Variants in SKAP1 observed in about 807,000 individuals in gnomAD.
SKAP1 encodes the protein src kinase-associated phosphoprotein 1.
Under a neutral mutation model 58.5 loss-of-function variants are expected in SKAP1, and 44 were observed. The ratio of observed to expected loss-of-function variants is 0.75; its 90% CI spans 0.59 to 0.97. The LOEUF (loss-of-function observed/expected upper bound fraction) is 0.97. SKAP1 is among the 50% of genes least tolerant of loss of function. The probability of loss-of-function intolerance (pLI) is 0.00; values close to 1 mark genes in which losing one functional copy is unlikely to be tolerated. For missense variants in SKAP1, 390 were observed against 435.2 expected, an observed-to-expected ratio of 0.90 and a Z score of 0.92; for synonymous variants, 127 against 149.7, an observed-to-expected ratio of 0.85 and a Z score of 1.11.
At chr17:48,311,104 G>C (rs2066218841) in intron 4 of SKAP1, among the ~76,000 whole-genome samples, 1 of 152,052 alleles carries the variant, frequency 6.6e-6, no homozygotes, top group Non-Finnish European at 1.5e-5. Context: ...GTGAAACTCC[G>C]TTCACATTTG....
intron 9 of SKAP1, among the ~76,000 whole-genome samples, chr17:48,178,336 G>A (rs558328588): frequency 1.3e-5 from 2 of 152,206 alleles, no homozygotes; most frequent in Admixed American, 6.5e-5. Context: ...TTTTCCCAGA[G>A]CATTCTTCCA....
upstream of SKAP1, among the ~76,000 whole-genome samples, chr17:48,434,172 G>C (rs1333639636): frequency 6.6e-6 from 1 of 152,164 alleles, no homozygotes; most frequent in Non-Finnish European, 1.5e-5. Context: ...CATCAACCGG[G>C]TTTATTGACT....
At chr17:48,169,501 A>G (rs2064182147) in intron 10 of SKAP1, among the ~76,000 whole-genome samples, 3 of 152,222 alleles carry the variant, frequency 2.0e-5, no homozygotes, top group Admixed American at 2.0e-4. Flanking sequence ...TGTGTTCACT[A>G]TCATGAGGTA....
intron 11 of SKAP1, among the ~76,000 whole-genome samples, chr17:48,158,581 AAAAG>A (rs1268933241): frequency 7.4e-5 from 11 of 148,692 alleles, no homozygotes; most frequent in Non-Finnish European, 1.5e-5. Context: ...AAAAAAAAAA[AAAAG>A]AAAAAAGAAA....
chr17:48,207,376 C>T (rs2064822218), intron 4 of SKAP1, among the ~76,000 whole-genome samples: 1 of 151,606 alleles, frequency 6.6e-6, no homozygotes, highest in South Asian at 2.1e-4. Flanking sequence ...ATCCCAGCTA[C>T]TCAGGAGGCT....
intron 4 of SKAP1, among the ~76,000 whole-genome samples, chr17:48,262,795 G>C (rs1470693863): frequency 1.3e-5 from 2 of 152,132 alleles, no homozygotes; most frequent in Non-Finnish European, 2.9e-5. Context: ...ATGCTTTCCT[G>C]TCCCTCCTCC....
intron 1 of SKAP1, among the ~76,000 whole-genome samples, chr17:48,402,558 A>G (rs550656889): frequency 2.1e-4 from 32 of 152,250 alleles, no homozygotes; most frequent in Non-Finnish European, 3.8e-4. Context: ...TTGAACTCCT[A>G]GACTCAAGCA....
chr17:48,150,558 TA>T (rs1188292619), intron 11 of SKAP1, among the ~76,000 whole-genome samples: 5 of 152,216 alleles, frequency 3.3e-5, no homozygotes, highest in Non-Finnish European at 7.3e-5. Context: ...ATGTTTCGAT[TA>T]TCTTTCCCAG....
At chr17:48,304,683 A>G (rs2066111320) in intron 4 of SKAP1, among the ~76,000 whole-genome samples, 1 of 152,234 alleles carries the variant, frequency 6.6e-6, no homozygotes, top group South Asian at 2.1e-4. Context: ...TTTCTGAGAT[A>G]CTTTAGATGT....
chr17:48,312,082 C>G (rs1811555002), intron 4 of SKAP1, among the ~76,000 whole-genome samples: 1 of 152,202 alleles, frequency 6.6e-6, no homozygotes, highest in African/African-American at 2.4e-5. Context: ...TATTCTGTTA[C>G]ATGAATCACA....
At position 48,197,356 on chromosome 17, in the gene SKAP1, T is replaced by G. The variant is rs2064650382; in HGVS notation, c.281-7856A>C. Among the ~76,000 whole-genome samples the G allele has an allele frequency of 1.3e-5, 2 of 151,368 alleles. 1 individual carries two copies. The highest frequency in any genetic ancestry group is 4.2e-4 in the South Asian group (2 of 4,790). ...CTAGAAAAAAGAAACCCTGTTCCAG[T>G]GTAGGGCTCATGCAGAAATCTTGGA... On this transcript the variant is annotated intron_variant, in intron 4 of 12. Coordinates refer to ENST00000336915, the MANE Select transcript of SKAP1 (RefSeq NM_003726.4).
intron 2 of SKAP1, among the ~76,000 whole-genome samples, chr17:48,383,012 C>A (rs2067234908): frequency 6.6e-6 from 1 of 152,094 alleles, no homozygotes; most frequent in Non-Finnish European, 1.5e-5. Flanking sequence ...GCTCACTGGC[C>A]CAAGAACTGC....
chr17:48,356,892 C>CCA (rs148662335), intron 3 of SKAP1, among the ~76,000 whole-genome samples: 1 of 151,310 alleles, frequency 6.6e-6, no homozygotes, highest in African/African-American at 2.4e-5. Context: ...TGTGCTTGTG[C>CCA]CACACACACA....
chr17:48,345,255 G>A (rs1207194379), intron 4 of SKAP1, among the ~76,000 whole-genome samples: 2 of 152,096 alleles, frequency 1.3e-5, no homozygotes, highest in African/African-American at 4.8e-5. Flanking sequence ...TGTATATTTT[G>A]CATTTCATTA....
chr17:48,356,250 T>C (rs890670119), intron 3 of SKAP1, among the ~76,000 whole-genome samples: 1 of 152,108 alleles, frequency 6.6e-6, no homozygotes, highest in Non-Finnish European at 1.5e-5. Context: ...AGAGCGAGAT[T>C]CTGTCTCAAA....
At chr17:48,228,489 C>G (rs1056908212) in intron 4 of SKAP1, among the ~76,000 whole-genome samples, 16 of 152,166 alleles carry the variant, frequency 1.1e-4, no homozygotes, top group Admixed American at 2.0e-4. Flanking sequence ...GTTAAATTCT[C>G]AAATCATACC....
chr17:48,377,569 C>A (rs952930134), intron 2 of SKAP1, among the ~76,000 whole-genome samples: 3 of 141,034 alleles, frequency 2.1e-5, no homozygotes, highest in Non-Finnish European at 4.6e-5. Flanking sequence ...CAGAGCAAGA[C>A]CCTGTCTCAA....
chr17:48,369,060 T>A (rs1385392305), intron 2 of SKAP1, among the ~76,000 whole-genome samples: 1 of 151,904 alleles, frequency 6.6e-6, no homozygotes, highest in East Asian at 1.9e-4. Flanking sequence ...GGCAGGAGGA[T>A]CACTTGAACT....
chr17:48,391,502 T>C (rs141609183), intron 2 of SKAP1, among the ~76,000 whole-genome samples: 35 of 152,320 alleles, frequency 2.3e-4, no homozygotes, highest in Non-Finnish European at 4.0e-4. Flanking sequence ...CCTAGAGAAG[T>C]AGATTCACAA....
Sources: gnomAD v4.1 joint callset for allele counts (sites outside exome capture counted in the v4.1 genomes callset) on GRCh38, gnomAD v4.1.1 for gene constraint, MANE v1.5 for transcripts, NCBI Gene and HGNC (gene_info 2026-07-23, HGNC 2026-07-21) for gene names.